VARS1: variants seen among roughly 807,000 people sequenced by gnomAD.
The protein encoded by VARS1 is valyl-tRNA synthetase 1.
Under a neutral mutation model 161.0 loss-of-function variants are expected in VARS1, and 92 were observed. That is an observed-to-expected ratio of 0.57 (90% CI 0.48 to 0.68). VARS1 has a LOEUF of 0.68. Ranked by LOEUF, VARS1 falls within the 30% of genes least tolerant of loss-of-function variation. VARS1 has a pLI of 0.00. For missense variants in VARS1, 1,338 were observed against 1,695.9 expected, an observed-to-expected ratio of 0.79 and a Z score of 3.71; for synonymous variants, 595 against 682.5, an observed-to-expected ratio of 0.87 and a Z score of 2.00.
rs2151419208 is a variant in VARS1, at chr6:31,780,540, CCGGTT to C, written c.2821_2825del (p.Asn941AspfsTer38). 2 of 1,613,840 alleles carry C rather than the reference CCGGTT, an allele frequency of 1.2e-6. No homozygotes were observed. Among genetic ancestry groups the C allele is most frequent in the Non-Finnish European group, 1.7e-6 (2 of 1,179,918 alleles). ...TGCAGAAGTGGCGGTAACCCAGTATCCGGTTCACATCCAGGTTGATGTCACGACCT... is the reference window on the plus strand; with the variant it reads ...TGCAGAAGTGGCGGTAACCCAGTATCCACATCCAGGTTGATGTCACGACCT... On this transcript the variant is annotated frameshift_variant, in exon 25 of 30. Transcript: ENST00000375663. LOFTEE classifies it high-confidence loss of function. The surrounding 1 kb of genome is among the most constrained non-coding windows in gnomAD (Gnocchi z 5.1).
chr6:31,779,194 C>A lies in VARS1; in HGVS notation c.3499G>T (p.Ala1167Ser). The A allele has an allele frequency of 6.2e-7, 1 of 1,606,882 alleles. No homozygotes were observed. Residue 1167 changes from alanine (A) to serine (S), a missense_variant, in exon 29 of 30, where the codon GCC (alanine) becomes TCC (serine). Physicochemically the swap from Ala to Ser is moderately conservative, Grantham distance 99 (BLOSUM62 1). This residue lies in a region of VARS1 where 433 missense variants were observed against 586.2 expected (regional missense o/e 0.74). Transcript: ENST00000375663. This position sits in a 1 kb window ranked among gnomAD's most constrained non-coding sequence, Gnocchi z 9.1. ...LASAGVVAVL[A>S]LGAPAPQGCA... ...CCCTGGGGGGCGGGAGCCCCCAGGG[C>A]CAGAACAGCCACCACACCTGCGCTG... is the stretch of plus-strand genomic sequence containing the variant.
chr6:31,787,980 C>T (rs1403503476), intron 8 of VARS1, among the ~76,000 whole-genome samples: 4 of 150,918 alleles, frequency 2.7e-5, no homozygotes, highest in Admixed American at 1.3e-4. Flanking sequence ...ATTAGCCAGG[C>T]GTGGTGGTGG....
Position 31,781,014 on chromosome 6 carries a change from C to A in VARS1, c.2649+5G>T, listed in dbSNP as rs1402370735. ...CCTTCCTGGCTGGCCCAGCACCCAG[C>A]CCACCTGCAGGGAGATTCCATAGAT... On this transcript the variant is annotated splice_donor_5th_base_variant and intron_variant, in intron 22 of 29. Coordinates refer to ENST00000375663, the MANE Select transcript of VARS1 (RefSeq NM_006295.3). The surrounding 1 kb of genome is among the most constrained non-coding windows in gnomAD (Gnocchi z 6.8). 8.7e-6 allele frequency: 14 copies of A among 1,613,936 alleles called. No homozygotes were observed. Among genetic ancestry groups the A allele is most frequent in the Non-Finnish European group, 1.1e-5 (13 of 1,180,036 alleles).
chr6:31,792,940 G>A, intron 3 of VARS1, 45 bp from the exon 4 acceptor site: 3 of 1,614,198 alleles, frequency 1.9e-6, no homozygotes, highest in Non-Finnish European at 2.5e-6. Context: ...CCTACAGTGA[G>A]GTCTGAGGAG....
At position 31,780,832 on chromosome 6, in the gene VARS1, C is replaced by T. The variant is rs1432425772; in HGVS notation, c.2718+38G>A. The T allele has an allele frequency of 9.3e-6, 15 of 1,614,084 alleles. No individual in the cohort carries two copies. The highest frequency in any genetic ancestry group is 3.3e-5 in the South Asian group (3 of 91,094). The stretch of plus-strand genomic sequence containing the variant: ...GAGCGTCCTCAGCCAGCCCCATCCA[C>T]GCTGTGCTCCTGCTTAGCCCAGCCC... On this transcript the variant is annotated intron_variant, in intron 23 of 29. Transcript: ENST00000375663. The surrounding 1 kb of genome is among the most constrained non-coding windows in gnomAD (Gnocchi z 5.1).
At chr6:31,794,093 C>CAAAAAAAAAA (rs33960246) in intron 2 of VARS1, among the ~76,000 whole-genome samples, 4 of 71,088 alleles carry the variant, frequency 5.6e-5, no homozygotes, top group South Asian at 4.5e-4. Flanking sequence ...GATTCTGTCT[C>CAAAAAAAAAA]AAAAAAAAAA....
At position 31,791,047 on chromosome 6, in the gene VARS1, A is replaced by T. The variant is rs1813833056; in HGVS notation, c.1100+563T>A. ...ATTCCTGTAATCCCAGCTACTTGGG[A>T]GGCTGAGGCAGGAGAATCACTTGAA... On this transcript the variant is annotated intron_variant, in intron 8 of 29. Coordinates refer to ENST00000375663, the MANE Select transcript of VARS1 (RefSeq NM_006295.3). This position sits in a 1 kb window ranked among gnomAD's most constrained non-coding sequence, Gnocchi z 5.0. Among the ~76,000 whole-genome samples the T allele has an allele frequency of 1.3e-5, 2 of 152,140 alleles. 1 individual carries two copies. The highest frequency in any genetic ancestry group is 4.1e-4 in the South Asian group (2 of 4,824).
chr6:31,777,660 G>T lies in VARS1; in HGVS notation c.3729C>A (p.Leu1243=). The T allele has an allele frequency of 6.2e-7, 1 of 1,613,432 alleles. No individual in the cohort carries two copies. Among genetic ancestry groups the T allele is most frequent in the East Asian group, 2.2e-5 (1 of 44,866 alleles). ...LEVQEADEAK[L]QQTEAELRKV... is the part of the protein sequence containing the mutation. ...TCCTGAGCTCTGCTTCTGTCTGTTG[G>T]AGCTGGAGTGGAACCAGGGGGTGGG... is the stretch of plus-strand genomic sequence containing the variant. Residue 1243 remains leucine (L), a splice_region_variant and synonymous_variant, in exon 30 of 30, where the codon CTC becomes CTA. Coordinates refer to ENST00000375663, the MANE Select transcript of VARS1 (RefSeq NM_006295.3). The surrounding 1 kb of genome is among the most constrained non-coding windows in gnomAD (Gnocchi z 5.8).
At position 31,782,069 on chromosome 6, in the gene VARS1, C is replaced by T. The variant is rs1813189886; in HGVS notation, c.2241+18G>A. ...TCCAGCAGGGTGTCCCAGCAGCTAG[C>T]TCTGGCCCTCTGCTCACCTCCCCAG... is the stretch of plus-strand genomic sequence containing the variant. On this transcript the variant is annotated intron_variant, in intron 18 of 29. Transcript: ENST00000375663. The surrounding 1 kb of genome is among the most constrained non-coding windows in gnomAD (Gnocchi z 8.3). 1 of 1,612,926 alleles carries T rather than the reference C, an allele frequency of 6.2e-7. No homozygotes were observed. The highest frequency in any genetic ancestry group is 2.2e-5 in the East Asian group (1 of 44,864).
At chr6:31,794,171 T>C (rs1482832207) in intron 2 of VARS1, among the ~76,000 whole-genome samples, 1 of 151,770 alleles carries the variant, frequency 6.6e-6, no homozygotes, top group Non-Finnish European at 1.5e-5. Context: ...AGGGACTCTA[T>C]TTTATTTGTT....
At chr6:31,787,723 T>C (rs1291426275) in intron 8 of VARS1, among the ~76,000 whole-genome samples, 1 of 151,986 alleles carries the variant, frequency 6.6e-6, no homozygotes, top group South Asian at 2.1e-4. Flanking sequence ...ATGCCTGTAG[T>C]CCCAGCACTT....
chr6:31,782,964 C>A lies in VARS1; in HGVS notation c.1763-119G>T. On this transcript the variant is annotated intron_variant, in intron 14 of 29. Transcript: ENST00000375663. The surrounding 1 kb of genome is among the most constrained non-coding windows in gnomAD (Gnocchi z 8.3). The stretch of plus-strand genomic sequence containing the variant: ...ACTCCTGGCCCCCACTTGTCTAATA[C>A]AGTCCCTTGAGAACCACCCCAAGCT... The A allele has an allele frequency of 6.6e-7, 1 of 1,523,254 alleles. No individual in the cohort carries two copies. The highest frequency in any genetic ancestry group is 8.8e-7 in the Non-Finnish European group (1 of 1,132,112). The allele number at this position is 1,523,254 out of a possible 1,614,324, so 94.4% of individuals were successfully genotyped here.
At chr6:31,792,152 G>A in intron 6 of VARS1, 65 bp downstream of exon 6, 1 of 1,588,218 alleles carries the variant, frequency 6.3e-7, no homozygotes, top group Non-Finnish European at 8.6e-7. Flanking sequence ...AGCAAGAATA[G>A]AGCAAGATAG....
In VARS1 at chr6:31,784,558, G is replaced by A; in HGVS notation, c.1467+37C>T. 1 of 1,613,570 alleles carries A rather than the reference G, an allele frequency of 6.2e-7. No homozygotes were observed. The highest frequency in any genetic ancestry group is 1.3e-5 in the African/African-American group (1 of 75,070). On this transcript the variant is annotated intron_variant, in intron 11 of 29. Transcript: ENST00000375663. This position sits in a 1 kb window ranked among gnomAD's most constrained non-coding sequence, Gnocchi z 6.1. ...AGGGGCCAGGGCCAGGGCCAGGGTA[G>A]ATTGGAGATGGAGACAGGCCAGGTT...
Position 31,777,668 on chromosome 6 carries a change from G to A in VARS1, c.3727-6C>T, listed in dbSNP as rs752707972. ...TCTGCTTCTGTCTGTTGGAGCTGGA[G>A]TGGAACCAGGGGGTGGGTGAGGACC... is the stretch of plus-strand genomic sequence containing the variant. On this transcript the variant is annotated splice_region_variant and splice_polypyrimidine_tract_variant and intron_variant, in intron 29 of 29. Transcript: ENST00000375663. The surrounding 1 kb of genome is among the most constrained non-coding windows in gnomAD (Gnocchi z 5.8). 3 of 1,612,738 alleles carry A rather than the reference G, an allele frequency of 1.9e-6. No individual in the cohort carries two copies. Among genetic ancestry groups the A allele is most frequent in the Non-Finnish European group, 2.5e-6 (3 of 1,179,484 alleles).
chr6:31,780,852 C>T lies in VARS1; in HGVS notation c.2718+18G>A. On this transcript the variant is annotated intron_variant, in intron 23 of 29. Transcript: ENST00000375663. This position sits in a 1 kb window ranked among gnomAD's most constrained non-coding sequence, Gnocchi z 5.1. ...ATCCACGCTGTGCTCCTGCTTAGCC[C>T]AGCCCAACCCTCCATACCTGCCCTT... The T allele has an allele frequency of 6.2e-7, 1 of 1,614,210 alleles. No individual in the cohort carries two copies.
rs772085426 is a variant in VARS1, at chr6:31,782,674, T to C, written c.1888-41A>G. 1 of 1,612,940 alleles carries C rather than the reference T, an allele frequency of 6.2e-7. No homozygotes were observed. Among genetic ancestry groups the C allele is most frequent in the Non-Finnish European group, 8.5e-7 (1 of 1,179,998 alleles). On this transcript the variant is annotated intron_variant, in intron 15 of 29. Transcript: ENST00000375663. This position sits in a 1 kb window ranked among gnomAD's most constrained non-coding sequence, Gnocchi z 8.3. ...GCCTCATCATGGCGATGCCCAGCCATCCCTCCATCTCCCTGACCCGGGCAC... is the reference window on the plus strand; with the variant it reads ...GCCTCATCATGGCGATGCCCAGCCACCCCTCCATCTCCCTGACCCGGGCAC...
intron 2 of VARS1, 115 bp from the exon 3 acceptor site, chr6:31,793,235 C>G: frequency 7.4e-7 from 1 of 1,345,988 alleles, no homozygotes. Flanking sequence ...ACCTCTGAGT[C>G]CCATTTCTTC....
rs758679841 is a variant in VARS1, at chr6:31,779,407, T to C, written c.3400+18A>G. ...AGGGGACAGTGGGATGGGGCGGACA[T>C]GGGGGCCTGAGGCTCACAGTCAGGC... On this transcript the variant is annotated intron_variant, in intron 28 of 29. Coordinates refer to ENST00000375663, the MANE Select transcript of VARS1 (RefSeq NM_006295.3). The surrounding 1 kb of genome is among the most constrained non-coding windows in gnomAD (Gnocchi z 9.1). 12 of 1,609,544 alleles carry C rather than the reference T, an allele frequency of 7.5e-6. No homozygotes were observed. The highest frequency in any genetic ancestry group is 1.6e-4 in the Middle Eastern group (1 of 6,084).
Sources: allele counts gnomAD v4.1 joint callset (sites outside exome capture counted in the v4.1 genomes callset), GRCh38; gene constraint gnomAD v4.1.1; regional missense constraint gnomAD v4.1.1; non-coding constraint Gnocchi (gnomAD v3.1); transcripts MANE v1.5; gene names NCBI Gene and HGNC (gene_info 2026-07-23, HGNC 2026-07-21).